Variants in TMEM161B observed in about 807,000 individuals in gnomAD.
The protein encoded by TMEM161B is transmembrane protein 161B.
A neutral mutation model predicts 61.8 loss-of-function variants in TMEM161B; 34 were observed. That is an observed-to-expected ratio of 0.55 (90% CI 0.42 to 0.73). The LOEUF (loss-of-function observed/expected upper bound fraction) is 0.73, where lower values mean the gene tolerates loss of function less well. Among genes scored for constraint, TMEM161B ranks in the 30% least tolerant of loss-of-function variants. TMEM161B has a pLI of 0.00. For synonymous variants in TMEM161B, 167 were observed against 192.8 expected (o/e 0.87, Z 1.11); for missense variants, 456 against 558.5 (o/e 0.82, Z 1.85).
chr5:88,201,987 T>TCTA, intron 9 of TMEM161B: 1 of 357,984 alleles, frequency 2.8e-6, no homozygotes, highest in Non-Finnish European at 5.6e-6. Context: ...GTCAAGTATT[T>TCTA]CTATTTTAAT....
chr5:88,204,727 C>A (rs1199769632), intron 8 of TMEM161B, among the ~76,000 whole-genome samples: 1 of 149,910 alleles, frequency 6.7e-6, no homozygotes, highest in Non-Finnish European at 1.5e-5. Context: ...AGACGGGATG[C>A]AGCCAAAAGC....
chr5:88,251,037 T>G (rs910465292), intron 1 of TMEM161B: 1 of 152,132 alleles, frequency 6.6e-6, no homozygotes, highest in Admixed American at 6.6e-5. Context: ...AGCGACTGAT[T>G]TGAGTGAGAC....
At chr5:88,191,964 A>T (rs1748934366), downstream of TMEM161B, among the ~76,000 whole-genome samples, 1 of 94,508 alleles carries the variant, frequency 1.1e-5, no homozygotes, top group Non-Finnish European at 2.1e-5. Flanking sequence ...CTCAAAAAAA[A>T]AAAAAAAAAA....
intron 2 of TMEM161B, among the ~76,000 whole-genome samples, chr5:88,231,718 C>G (rs1751017793): frequency 1.3e-5 from 2 of 152,154 alleles, no homozygotes; most frequent in Non-Finnish European, 1.5e-5. Context: ...TTTTAACTTA[C>G]AGAATTGATT....
chr5:88,261,196 T>A (rs1223644386), intron 1 of TMEM161B, among the ~76,000 whole-genome samples: 1 of 152,130 alleles, frequency 6.6e-6, no homozygotes, highest in Non-Finnish European at 1.5e-5. Flanking sequence ...AAATGAATAC[T>A]TTGGTATAAA....
In TMEM161B at chr5:88,257,513, G is replaced by A. The variant is rs181045218; in HGVS notation, c.3+11208C>T. 8.4e-3 allele frequency among the ~76,000 whole-genome samples: 1,271 copies of A among 152,206 alleles called. 10 individuals are homozygous for A. Among genetic ancestry groups the A allele is most frequent in the Non-Finnish European group, 0.012 (829 of 68,006 alleles). ...AACACACTAGGATCGAAGTAGTTCC[G>A]TCACTAACTAGCTACACAGCAATTA... On this transcript the variant is annotated intron_variant, in intron 1 of 11. Coordinates refer to ENST00000296595, the MANE Select transcript of TMEM161B (RefSeq NM_153354.5).
At chr5:88,228,135 G>C (rs1448916480) in intron 3 of TMEM161B, among the ~76,000 whole-genome samples, 1 of 152,080 alleles carries the variant, frequency 6.6e-6, no homozygotes, top group Non-Finnish European at 1.5e-5. Flanking sequence ...CAAACCAACT[G>C]ACGTCTTTAA....
chr5:88,240,436 C>A (rs989310633), intron 2 of TMEM161B, among the ~76,000 whole-genome samples: 1 of 151,806 alleles, frequency 6.6e-6, no homozygotes, highest in East Asian at 1.9e-4. Context: ...TCAGTGCCCA[C>A]AGACCGAAAA....
chr5:88,231,169 T>C (rs1221646184), intron 2 of TMEM161B, among the ~76,000 whole-genome samples: 2 of 152,204 alleles, frequency 1.3e-5, no homozygotes, highest in African/African-American at 4.8e-5. Flanking sequence ...ATGCGCTTTC[T>C]TTAAATAATA....
At chr5:88,211,485 C>T (rs1007591958) in intron 5 of TMEM161B, among the ~76,000 whole-genome samples, 7 of 151,704 alleles carry the variant, frequency 4.6e-5, no homozygotes, top group Non-Finnish European at 2.9e-5. Context: ...CAAGACCGGG[C>T]GTGGTGGCTC....
chr5:88,240,701 T>G, intron 2 of TMEM161B, 112 bp downstream of exon 2: 1 of 881,856 alleles, frequency 1.1e-6, no homozygotes, highest in South Asian at 1.5e-5. Context: ...AAGCTAGATT[T>G]TTCTTATGAC....
chr5:88,258,853 T>C (rs900402736), intron 1 of TMEM161B, among the ~76,000 whole-genome samples: 1 of 152,116 alleles, frequency 6.6e-6, no homozygotes, highest in Non-Finnish European at 1.5e-5. Flanking sequence ...AGGGCAGACA[T>C]AAGATAGCTA....
At chr5:88,210,306 A>G (rs1038248922) in intron 5 of TMEM161B, among the ~76,000 whole-genome samples, 6 of 152,232 alleles carry the variant, frequency 3.9e-5, no homozygotes, top group Non-Finnish European at 8.8e-5. Context: ...ATGTATACAA[A>G]AACATATGGA....
chr5:88,235,951 G>A (rs919047679), intron 2 of TMEM161B, among the ~76,000 whole-genome samples: 9 of 152,156 alleles, frequency 5.9e-5, no homozygotes, highest in Non-Finnish European at 1.2e-4. Context: ...AAGCTAAGGC[G>A]AGGAGAGCAA....
At chr5:88,189,004 C>T (rs765116857), downstream of TMEM161B, among the ~76,000 whole-genome samples, 9 of 151,474 alleles carry the variant, frequency 5.9e-5, no homozygotes, top group South Asian at 4.2e-4. Context: ...CACTCACTAG[C>T]GGGAGTTCTC....
chr5:88,254,771 G>A (rs1325886675), intron 1 of TMEM161B, among the ~76,000 whole-genome samples: 5 of 151,874 alleles, frequency 3.3e-5, no homozygotes. Context: ...TAGCCCAGTA[G>A]GTTGAGACTG....
At chr5:88,244,958 G>A (rs1211401655) in intron 1 of TMEM161B, among the ~76,000 whole-genome samples, 1 of 151,770 alleles carries the variant, frequency 6.6e-6, no homozygotes, top group East Asian at 1.9e-4. Flanking sequence ...TTGATGTATA[G>A]GAATGCTACT....
chr5:88,244,422 T>C (rs1753265633), intron 1 of TMEM161B, among the ~76,000 whole-genome samples: 1 of 151,858 alleles, frequency 6.6e-6, no homozygotes, highest in Admixed American at 6.6e-5. Flanking sequence ...TTTGTTGATT[T>C]TGTCAAAGAT....
chr5:88,257,276 AAAAACAAAAC>A (rs901335738), intron 1 of TMEM161B, among the ~76,000 whole-genome samples: 8 of 152,330 alleles, frequency 5.3e-5, no homozygotes, highest in South Asian at 2.1e-4. Context: ...TCTCAAAAAC[AAAAACAAAAC>A]AAAACAAAAC....
Sources: allele counts gnomAD v4.1 joint callset (sites outside exome capture counted in the v4.1 genomes callset), GRCh38; gene constraint gnomAD v4.1.1; transcripts MANE v1.5; gene names NCBI Gene and HGNC (gene_info 2026-07-23, HGNC 2026-07-21).